Variants in UGT1A4 observed in about 807,000 individuals in gnomAD.
UGT1A4 encodes the protein UDP glucuronosyltransferase family 1 member A4.
Under a neutral mutation model 41.1 loss-of-function variants are expected in UGT1A4, and 32 were observed. The observed-to-expected ratio is 0.78, with a 90% CI of 0.59 to 1.05. UGT1A4 has a LOEUF of 1.05. UGT1A4 is among the 50% of genes least tolerant of loss of function. UGT1A4 has a pLI of 0.00. For synonymous variants in UGT1A4, 283 were observed against 265.1 expected (o/e 1.07, Z -0.66); for missense variants, 748 against 677.4 (o/e 1.10, Z -1.16).
intron 1 of UGT1A4, among the ~76,000 whole-genome samples, chr2:233,748,921 T>C (rs1470974823): frequency 7.9e-5 from 12 of 151,634 alleles, no homozygotes; most frequent in Non-Finnish European, 2.9e-5. Context: ...CAGGTGAAGC[T>C]GAACATATCA....
At chr2:233,747,247 C>T in intron 1 of UGT1A4, 1 of 1,601,894 alleles carries the variant, frequency 6.2e-7, no homozygotes, top group Non-Finnish European at 8.5e-7. Context: ...CCTGCTGTGG[C>T]TGGCCACAGG....
chr2:233,772,440 C>T lies in UGT1A4; in HGVS notation c.1486C>T (p.Leu496Phe). 3 of 1,614,194 alleles carry T rather than the reference C, an allele frequency of 1.9e-6. No individual in the cohort carries two copies. Among genetic ancestry groups the T allele is most frequent in the South Asian group, 2.2e-5 (2 of 91,088 alleles). ...CCATTCCTTGGACGTGATTGGTTTC[C>T]TCTTGGCCGTCGTGCTGACAGTGGC... ...QYHSLDVIGF[L>F]LAVVLTVAFI... is the part of the protein sequence containing the mutation. Residue 496 changes from leucine to phenylalanine, a missense_variant, in exon 5 of 5, where the codon CTC becomes TTC. Transcript: ENST00000373409.
At chr2:233,728,241 AG>A (rs2077692847) in intron 1 of UGT1A4, among the ~76,000 whole-genome samples, 1 of 152,098 alleles carries the variant, frequency 6.6e-6, no homozygotes, top group Non-Finnish European at 1.5e-5. Context: ...GATGAAATAA[AG>A]GCCTGGATGA....
At chr2:233,745,969 A>C (rs939174435) in intron 1 of UGT1A4, among the ~76,000 whole-genome samples, 8 of 151,718 alleles carry the variant, frequency 5.3e-5, no homozygotes, top group Non-Finnish European at 1.0e-4. Context: ...AGGGGCCCTG[A>C]AATGGGACCA....
Position 233,772,820 on chromosome 2 carries a change from C to A in UGT1A4, c.*261C>A. On this transcript the variant is annotated 3_prime_UTR_variant, in exon 5 of 5. Coordinates refer to ENST00000373409, the MANE Select transcript of UGT1A4 (RefSeq NM_007120.3). ...TGCCATTTTTCAGAGGACGTGCAGACAGGCTGGCATTCTAGATTACTTTTC... is the reference window on the plus strand; with the variant it reads ...TGCCATTTTTCAGAGGACGTGCAGAAAGGCTGGCATTCTAGATTACTTTTC... 1 of 980,890 alleles carries A rather than the reference C, an allele frequency of 1.0e-6. No individual in the cohort carries two copies. The highest frequency in any genetic ancestry group is 1.4e-6 in the Non-Finnish European group (1 of 712,708). 60.8% of individuals were successfully genotyped at this position (980,890 alleles called of 1,614,324 possible).
chr2:233,768,875 C>T (rs543311550), intron 4 of UGT1A4, among the ~76,000 whole-genome samples: 45 of 152,066 alleles, frequency 3.0e-4, no homozygotes, highest in African/African-American at 8.0e-4. Context: ...TGAGCCAGCG[C>T]GTCTGACCTG....
At chr2:233,724,321 C>A (rs1437047103) in intron 1 of UGT1A4, among the ~76,000 whole-genome samples, 7 of 146,642 alleles carry the variant, frequency 4.8e-5, no homozygotes, top group East Asian at 4.5e-4. Context: ...GACGGGGCGG[C>A]TGGCCAGGCG....
At chr2:233,759,469 A>G (rs1187872464) in intron 1 of UGT1A4, among the ~76,000 whole-genome samples, 5 of 152,280 alleles carry the variant, frequency 3.3e-5, no homozygotes, top group Admixed American at 2.6e-4. Flanking sequence ...CTCAAGATCT[A>G]TCTTACAGGA....
At chr2:233,730,660 G>A (rs979166401) in intron 1 of UGT1A4, among the ~76,000 whole-genome samples, 21 of 152,010 alleles carry the variant, frequency 1.4e-4, no homozygotes, top group African/African-American at 5.1e-4. Flanking sequence ...CTCAGAGTTC[G>A]GAAGGCAAAG....
intron 1 of UGT1A4, chr2:233,760,883 C>T (rs550460320): frequency 1.9e-6 from 3 of 1,614,168 alleles, no homozygotes; most frequent in South Asian, 2.2e-5. Context: ...CCTCTCTCCT[C>T]TCATTCAGAT....
chr2:233,732,449 C>T (rs1329295368), intron 1 of UGT1A4, among the ~76,000 whole-genome samples: 2 of 152,220 alleles, frequency 1.3e-5, no homozygotes, highest in Admixed American at 1.3e-4. Flanking sequence ...TTAGGTCTAA[C>T]ATTTGAGTCT....
At chr2:233,738,562 T>A (rs1039423006) in intron 1 of UGT1A4, among the ~76,000 whole-genome samples, 1 of 152,186 alleles carries the variant, frequency 6.6e-6, no homozygotes, top group Admixed American at 6.5e-5. Context: ...AGATGAGGAA[T>A]CTGTTGAGAA....
intron 1 of UGT1A4, chr2:233,743,074 A>G: frequency 2.9e-6 from 1 of 345,076 alleles, no homozygotes; most frequent in East Asian, 7.5e-5. Context: ...AGGTGTTGGC[A>G]TGAAGTGTTT....
intron 1 of UGT1A4, chr2:233,754,630 T>C (rs1285371125): frequency 2.2e-6 from 1 of 445,558 alleles, no homozygotes; most frequent in East Asian, 7.0e-5. Flanking sequence ...ACTTCCACCC[T>C]TTCTTGGCCA....
At position 233,743,743 on chromosome 2, in the gene UGT1A4, G is replaced by A. The variant is rs745945267; in HGVS notation, c.868-23291G>A. On this transcript the variant is annotated intron_variant, in intron 1 of 4. Coordinates refer to ENST00000373409, the MANE Select transcript of UGT1A4 (RefSeq NM_007120.3). ...GGTCATAGATATCGCGTTTCTTGGC[G>A]TCCGACAACACCTCGTAGGCCTCGG... 19 of 1,367,226 alleles carry A rather than the reference G, an allele frequency of 1.4e-5. No individual in the cohort carries two copies. The Admixed American group carries it at 1.9e-4, about 14-fold the overall frequency. The allele number at this position is 1,367,226 out of a possible 1,614,324, so 84.7% of individuals were successfully genotyped here.
chr2:233,750,414 G>GC (rs765395041), intron 1 of UGT1A4, among the ~76,000 whole-genome samples: 4 of 151,922 alleles, frequency 2.6e-5, no homozygotes, highest in Non-Finnish European at 5.9e-5. Flanking sequence ...CCATGTGGTA[G>GC]AAAAGAAAAA....
intron 1 of UGT1A4, among the ~76,000 whole-genome samples, chr2:233,737,855 A>G (rs577176217): frequency 2.6e-5 from 4 of 152,218 alleles, no homozygotes; most frequent in East Asian, 1.9e-4. Context: ...CACTCTTGCT[A>G]TGCCCCTTAA....
chr2:233,766,377 A>G (rs1392093575), intron 1 of UGT1A4, among the ~76,000 whole-genome samples: 1 of 151,914 alleles, frequency 6.6e-6, no homozygotes. Flanking sequence ...AGTTCTTCTC[A>G]ATGTCCAGCT....
At chr2:233,759,349 A>T (rs900901642) in intron 1 of UGT1A4, among the ~76,000 whole-genome samples, 3 of 152,146 alleles carry the variant, frequency 2.0e-5, no homozygotes, top group African/African-American at 4.8e-5. Flanking sequence ...GAGCGCTGAA[A>T]ATCTCAACTA....
Sources: allele counts gnomAD v4.1 joint callset (sites outside exome capture counted in the v4.1 genomes callset), GRCh38; gene constraint gnomAD v4.1.1; transcripts MANE v1.5; gene names NCBI Gene and HGNC (gene_info 2026-07-23, HGNC 2026-07-21).